Variants in SCRN1 observed in about 807,000 individuals in gnomAD.
SCRN1 encodes the protein secernin-1.
A neutral mutation model predicts 43.3 loss-of-function variants in SCRN1; 19 were observed. The observed-to-expected ratio is 0.44, with a 90% CI of 0.31 to 0.64. The LOEUF (loss-of-function observed/expected upper bound fraction) is 0.64. Among genes scored for constraint, SCRN1 ranks in the 30% least tolerant of loss-of-function variants. SCRN1 has a pLI of 0.09. For synonymous variants in SCRN1, 183 were observed against 188.9 expected (o/e 0.97, Z 0.26); for missense variants, 447 against 524.1 (o/e 0.85, Z 1.44).
intron 6 of SCRN1, among the ~76,000 whole-genome samples, chr7:29,929,630 C>T (rs1787091432): frequency 6.6e-6 from 1 of 152,250 alleles, no homozygotes; most frequent in Non-Finnish European, 1.5e-5. Flanking sequence ...GGGAACTGGG[C>T]TGGGACTTGG....
intron 1 of SCRN1, among the ~76,000 whole-genome samples, chr7:29,984,101 G>A (rs992075607): frequency 3.3e-5 from 5 of 151,458 alleles, no homozygotes; most frequent in Admixed American, 2.6e-4. Flanking sequence ...AGCTACTCAG[G>A]AGGCTGAGGC....
intron 1 of SCRN1, among the ~76,000 whole-genome samples, chr7:29,982,644 C>T (rs577000823): frequency 1.4e-3 from 195 of 141,100 alleles, no homozygotes; most frequent in African/African-American, 5.0e-3. Context: ...GACTATGCCA[C>T]TGCACTGCAG....
At chr7:29,966,506 C>T (rs1788503025) in intron 2 of SCRN1, among the ~76,000 whole-genome samples, 1 of 152,022 alleles carries the variant, frequency 6.6e-6, no homozygotes, top group East Asian at 1.9e-4. Context: ...CAAGGAAGGT[C>T]AGTAACAACT....
chr7:29,955,054 A>G, intron 3 of SCRN1, 125 bp downstream of exon 3: 6 of 758,630 alleles, frequency 7.9e-6, no homozygotes, highest in Non-Finnish European at 1.3e-5. Flanking sequence ...TAAAGTTTCT[A>G]TCAAAAGGCA....
intron 4 of SCRN1, among the ~76,000 whole-genome samples, chr7:29,942,946 A>G (rs1343889637): frequency 1.3e-5 from 2 of 152,156 alleles, no homozygotes; most frequent in Non-Finnish European, 2.9e-5. Flanking sequence ...GTGCACAGAA[A>G]ACAGGCTTGA....
chr7:29,951,935 A>G (rs768164483), intron 3 of SCRN1, among the ~76,000 whole-genome samples: 1 of 152,210 alleles, frequency 6.6e-6, no homozygotes, highest in Non-Finnish European at 1.5e-5. Flanking sequence ...TATTCATTGA[A>G]TAATCAACCA....
chr7:29,987,164 C>G (rs981138929), intron 1 of SCRN1, among the ~76,000 whole-genome samples: 1 of 152,216 alleles, frequency 6.6e-6, no homozygotes, highest in African/African-American at 2.4e-5. Flanking sequence ...TCTCCCTCTG[C>G]ACATCACTGG....
intron 1 of SCRN1, chr7:29,969,967 TAAATCTCTATGG>T: frequency 2.3e-6 from 1 of 431,724 alleles, no homozygotes; most frequent in Non-Finnish European, 4.7e-6. Flanking sequence ...TTCCATCTCC[TAAATCTCTATGG>T]AAACCTCCCA....
intron 2 of SCRN1, among the ~76,000 whole-genome samples, chr7:29,959,698 C>T (rs996377864): frequency 5.3e-4 from 81 of 152,244 alleles, no homozygotes; most frequent in Non-Finnish European, 1.0e-4. Flanking sequence ...CAGAGGGCAA[C>T]ATCCTCAACC....
rs993552677 is a variant in SCRN1 at position 29,926,785 on chromosome 7, A to G, written c.906-153T>C. Among the ~76,000 whole-genome samples the G allele has an allele frequency of 6.6e-5, 10 of 152,284 alleles. No homozygotes were observed. In the South Asian group the frequency reaches 2.1e-3, roughly 32 times the overall value. On this transcript the variant is annotated intron_variant, in intron 6 of 7. Transcript: ENST00000242059. Reference sequence around the variant, plus strand: ...TGGGTGGGTGAGTGCCAAGAGAGACATAACTGCATGTTTTAGTCGCTATTT... The same window carrying G: ...TGGGTGGGTGAGTGCCAAGAGAGACGTAACTGCATGTTTTAGTCGCTATTT...
chr7:29,923,215 C>T lies in SCRN1; in HGVS notation c.*742G>A, dbSNP rs929587543. On this transcript the variant is annotated 3_prime_UTR_variant, in exon 8 of 8. Coordinates refer to ENST00000242059, the MANE Select transcript of SCRN1 (RefSeq NM_014766.5). ...ATGCAGTGATTCAGAAGGCCACCAG[C>T]ATGGCTATGTCTGAATCTCGGAAGT... 1.3e-5 allele frequency: 2 copies of T among 152,258 alleles called. No individual in the cohort carries two copies. The highest frequency in any genetic ancestry group is 3.8e-4 in the East Asian group (2 of 5,206). The allele number at this position is 152,258 out of a possible 1,614,324, so 9.4% of individuals were successfully genotyped here.
At chr7:29,986,879 C>T (rs1490254075) in intron 1 of SCRN1, among the ~76,000 whole-genome samples, 1 of 151,994 alleles carries the variant, frequency 6.6e-6, no homozygotes, top group Non-Finnish European at 1.5e-5. Flanking sequence ...CGCGTGCCAC[C>T]ATGCCCGGCT....
intron 1 of SCRN1, among the ~76,000 whole-genome samples, chr7:29,988,331 T>A (rs1789229310): frequency 6.6e-6 from 1 of 152,224 alleles, no homozygotes; most frequent in Non-Finnish European, 1.5e-5. Flanking sequence ...CGTAGAGTTT[T>A]AACTAGGTTT....
intron 2 of SCRN1, among the ~76,000 whole-genome samples, chr7:29,964,709 G>A (rs911461040): frequency 4.6e-5 from 7 of 152,094 alleles, no homozygotes; most frequent in Non-Finnish European, 1.0e-4. Flanking sequence ...TTGGGAGGCC[G>A]AGGCGGGTGG....
At chr7:29,970,161 C>T (rs1192466525) in intron 1 of SCRN1, among the ~76,000 whole-genome samples, 1 of 152,196 alleles carries the variant, frequency 6.6e-6, no homozygotes, top group African/African-American at 2.4e-5. Flanking sequence ...TTTGATCACA[C>T]CATTCCTGCT....
chr7:29,929,007 A>T (rs999963601), intron 6 of SCRN1, among the ~76,000 whole-genome samples: 2 of 152,168 alleles, frequency 1.3e-5, no homozygotes, highest in Non-Finnish European at 2.9e-5. Flanking sequence ...GCCATCCACA[A>T]CCAGCTGTCT....
chr7:29,987,959 C>G (rs1451098223), intron 1 of SCRN1, among the ~76,000 whole-genome samples: 1 of 152,136 alleles, frequency 6.6e-6, no homozygotes, highest in Non-Finnish European at 1.5e-5. Context: ...TTCCATTATC[C>G]CTGAAGCATT....
chr7:29,955,792 C>T (rs185538830), intron 2 of SCRN1, among the ~76,000 whole-genome samples: 1 of 152,176 alleles, frequency 6.6e-6, no homozygotes, highest in Non-Finnish European at 1.5e-5. Flanking sequence ...AAAGCAGAAC[C>T]CTGAGTCCCC....
At chr7:29,927,019 G>A (rs887406548) in intron 6 of SCRN1, among the ~76,000 whole-genome samples, 3 of 151,706 alleles carry the variant, frequency 2.0e-5, no homozygotes, top group African/African-American at 7.3e-5. Flanking sequence ...ACCGTGGTCT[G>A]AGAAGCAGCC....
Sources: allele counts gnomAD v4.1 joint callset (sites outside exome capture counted in the v4.1 genomes callset), GRCh38; gene constraint gnomAD v4.1.1; transcripts MANE v1.5; gene names NCBI Gene and HGNC (gene_info 2026-07-23, HGNC 2026-07-21).